The following ROBO1 variants were observed in gnomAD, a reference collection of about 807,000 sequenced individuals.
ROBO1 encodes roundabout guidance receptor 1.
ROBO1 carries 149 observed loss-of-function variants against 195.9 expected under a neutral mutation model. The ratio of observed to expected loss-of-function variants is 0.76; its 90% CI spans 0.67 to 0.87. ROBO1 has a LOEUF of 0.87. Ranked by LOEUF, ROBO1 falls within the 40% of genes least tolerant of loss-of-function variation. The pLI, the probability that ROBO1 is intolerant of heterozygous loss-of-function variation, is 0.00. For synonymous variants in ROBO1, 816 were observed against 733.2 expected, an observed-to-expected ratio of 1.11 and a Z score of -1.82; for missense variants, 1,933 against 2,068.3, an observed-to-expected ratio of 0.93 and a Z score of 1.27.
At chr3:78,896,740 T>G (rs2037262836) in intron 4 of ROBO1, among the ~76,000 whole-genome samples, 1 of 151,952 alleles carries the variant, frequency 6.6e-6, no homozygotes, top group Non-Finnish European at 1.5e-5. Context: ...TTTAAAATAT[T>G]GATAAATGTG....
intron 2 of ROBO1, among the ~76,000 whole-genome samples, chr3:79,411,286 T>C (rs1450919332): frequency 6.6e-6 from 1 of 152,136 alleles, no homozygotes. Flanking sequence ...ATGAGACATA[T>C]TCAGTCCTAA....
chr3:79,354,090 G>T (rs148226454), intron 2 of ROBO1, among the ~76,000 whole-genome samples: 3 of 151,936 alleles, frequency 2.0e-5, no homozygotes, highest in Non-Finnish European at 4.4e-5. Context: ...GTTTAGGAAG[G>T]GCACTATACT....
At chr3:79,716,896 T>C (rs964000345) in intron 1 of ROBO1, among the ~76,000 whole-genome samples, 1 of 152,044 alleles carries the variant, frequency 6.6e-6, no homozygotes, top group Non-Finnish European at 1.5e-5. Context: ...GCAAACACTT[T>C]AATTGTAATA....
intron 13 of ROBO1, 27 bp from the exon 14 acceptor site, chr3:78,668,076 A>T (rs765521512): frequency 6.2e-7 from 1 of 1,611,996 alleles, no homozygotes; most frequent in Admixed American, 1.7e-5. Flanking sequence ...AGGTTAGAAC[A>T]TGCGTATTTA....
chr3:79,280,161 G>C (rs2031396737), intron 2 of ROBO1, among the ~76,000 whole-genome samples: 1 of 152,064 alleles, frequency 6.6e-6, no homozygotes, highest in Non-Finnish European at 1.5e-5. Flanking sequence ...TAGACAGGAA[G>C]AATACATTCT....
At position 78,614,767 on chromosome 3, in the gene ROBO1, C is replaced by T. The variant is rs779265401; in HGVS notation, c.4316G>A (p.Arg1439Lys). Residue 1439 changes from arginine (R) to lysine (K), a missense_variant, in exon 28 of 31, where the codon AGG becomes AAG. This residue lies in a region of ROBO1 where 1,737 missense variants were observed against 1,882.5 expected (regional missense o/e 0.92). Transcript: ENST00000464233. Reference sequence around the variant, plus strand: ...GTCTGTAGACACGGGACTTGTGGGCCTAGGGCACTGAGACGCATGAAAATG... The same window carrying T: ...GTCTGTAGACACGGGACTTGTGGGCTTAGGGCACTGAGACGCATGAAAATG... ...RRHFHASQCP[R>K]PTSPVSTDSN... 2 of 1,611,322 alleles carry T rather than the reference C, an allele frequency of 1.2e-6. No homozygotes were observed. The highest frequency in any genetic ancestry group is 1.1e-5 in the South Asian group (1 of 90,958).
intron 2 of ROBO1, among the ~76,000 whole-genome samples, chr3:79,155,548 A>G (rs946853722): frequency 1.3e-5 from 2 of 151,710 alleles, no homozygotes; most frequent in African/African-American, 2.4e-5. Context: ...TTTCCCCATT[A>G]CTAGTAATGC....
chr3:79,529,672 G>A (rs374810231), intron 2 of ROBO1, among the ~76,000 whole-genome samples: 9 of 152,178 alleles, frequency 5.9e-5, no homozygotes, highest in Admixed American at 2.6e-4. Context: ...AATAAGGGAC[G>A]ATTCACAATT....
At chr3:78,893,174 T>G (rs1031108504) in intron 4 of ROBO1, among the ~76,000 whole-genome samples, 6 of 152,200 alleles carry the variant, frequency 3.9e-5, no homozygotes, top group African/African-American at 1.4e-4. Context: ...TGAATGTGTC[T>G]TCTCCAAAAT....
At chr3:79,439,235 C>T (rs956947380) in intron 2 of ROBO1, among the ~76,000 whole-genome samples, 4 of 151,964 alleles carry the variant, frequency 2.6e-5, no homozygotes, top group Admixed American at 6.6e-5. Flanking sequence ...TGAAGACAGG[C>T]AAATTTCGTA....
intron 2 of ROBO1, among the ~76,000 whole-genome samples, chr3:79,283,864 A>G (rs12629753): frequency 0.1 from 15,224 of 151,286 alleles, 806 homozygotes; most frequent in Middle Eastern, 0.13. Flanking sequence ...CGCCCGGCTA[A>G]TTTTTTGTAT....
At chr3:78,952,500 T>C (rs894729862) in intron 3 of ROBO1, among the ~76,000 whole-genome samples, 1 of 151,968 alleles carries the variant, frequency 6.6e-6, no homozygotes. Flanking sequence ...ACATAAATCC[T>C]ATCATGGGCA....
intron 1 of ROBO1, among the ~76,000 whole-genome samples, chr3:79,606,332 G>C: frequency 6.6e-6 from 1 of 151,954 alleles, no homozygotes; most frequent in Non-Finnish European, 1.5e-5. Context: ...CAAGCAACGT[G>C]ACTCATGAAT....
intron 5 of ROBO1, among the ~76,000 whole-genome samples, chr3:78,740,088 A>G (rs1407369201): frequency 6.6e-6 from 1 of 152,174 alleles, no homozygotes; most frequent in East Asian, 1.9e-4. Flanking sequence ...TAAATGGGTG[A>G]ATATACATAA....
intron 2 of ROBO1, among the ~76,000 whole-genome samples, chr3:79,176,724 G>A (rs1178142927): frequency 1.3e-5 from 2 of 152,076 alleles, no homozygotes; most frequent in African/African-American, 2.4e-5. Context: ...CCCCCCAAAG[G>A]GCTGGGGTTA....
chr3:79,293,522 A>C (rs905736494), intron 2 of ROBO1, among the ~76,000 whole-genome samples: 1 of 152,112 alleles, frequency 6.6e-6, no homozygotes, highest in Non-Finnish European at 1.5e-5. Flanking sequence ...CTTTAGTGCT[A>C]TAATTTTCCC....
intron 4 of ROBO1, among the ~76,000 whole-genome samples, chr3:78,823,138 C>T (rs1351864890): frequency 6.6e-6 from 1 of 151,518 alleles, no homozygotes; most frequent in Admixed American, 6.6e-5. Context: ...AAGATTCAGC[C>T]TTTTGTGTTA....
At chr3:79,444,540 C>A (rs889623040) in intron 2 of ROBO1, among the ~76,000 whole-genome samples, 1 of 152,086 alleles carries the variant, frequency 6.6e-6, no homozygotes, top group African/African-American at 2.4e-5. Flanking sequence ...CTTTAGAAAA[C>A]ATTTTTTCAT....
intron 1 of ROBO1, among the ~76,000 whole-genome samples, chr3:79,597,462 G>A (rs1257680511): frequency 1.3e-5 from 2 of 151,712 alleles, no homozygotes; most frequent in African/African-American, 4.8e-5. Flanking sequence ...AGTACATAAA[G>A]CACAGTTTTA....
Sources: gnomAD v4.1 joint callset for allele counts (sites outside exome capture counted in the v4.1 genomes callset) on GRCh38, gnomAD v4.1.1 for gene constraint, gnomAD v4.1.1 regional missense constraint, MANE v1.5 for transcripts, NCBI Gene and HGNC (gene_info 2026-07-23, HGNC 2026-07-21) for gene names.